Variants in TRPC6 observed in about 807,000 individuals in gnomAD.
TRPC6 encodes the protein transient receptor potential cation channel subfamily C member 6, also known as short transient receptor potential channel 6.
A neutral mutation model predicts 90.7 loss-of-function variants in TRPC6; 55 were observed. That is an observed-to-expected ratio of 0.61 (90% CI 0.49 to 0.76). The LOEUF is 0.76. Among genes scored for constraint, TRPC6 ranks in the 30% least tolerant of loss-of-function variants. The pLI is 0.00. For missense variants in TRPC6, 989 were observed against 1,122.7 expected, an observed-to-expected ratio of 0.88 and a Z score of 1.70; for synonymous variants, 393 against 393.0, an observed-to-expected ratio of 1.00 and a Z score of 0.00.
intron 1 of TRPC6, among the ~76,000 whole-genome samples, chr11:101,557,629 C>G (rs370893209): frequency 7.4e-6 from 1 of 134,584 alleles, no homozygotes; most frequent in Admixed American, 7.3e-5. Flanking sequence ...CACACACACA[C>G]AAAAAAAAAC....
intron 1 of TRPC6, among the ~76,000 whole-genome samples, chr11:101,536,918 G>A (rs1242525714): frequency 6.6e-6 from 1 of 152,206 alleles, no homozygotes; most frequent in African/African-American, 2.4e-5. Flanking sequence ...TACTCCAGGT[G>A]AGAGATGGCA....
At chr11:101,558,235 G>C (rs1265093870) in intron 1 of TRPC6, among the ~76,000 whole-genome samples, 1 of 82,254 alleles carries the variant, frequency 1.2e-5, no homozygotes, top group Non-Finnish European at 2.6e-5. Context: ...ACATGTATAT[G>C]GGTATACATG....
chr11:101,533,255 A>G (rs1457688447), intron 1 of TRPC6, among the ~76,000 whole-genome samples: 2 of 152,172 alleles, frequency 1.3e-5, no homozygotes, highest in Non-Finnish European at 2.9e-5. Flanking sequence ...CTGTATAGGA[A>G]GCATAGTGGC....
intron 1 of TRPC6, among the ~76,000 whole-genome samples, chr11:101,575,309 C>A (rs1272831848): frequency 1.3e-5 from 2 of 152,164 alleles, no homozygotes; most frequent in Non-Finnish European, 2.9e-5. Context: ...TGTTAACATT[C>A]ATAGTCTTCC....
chr11:101,470,677 C>T (rs1340098121), intron 9 of TRPC6, among the ~76,000 whole-genome samples: 2 of 152,004 alleles, frequency 1.3e-5, no homozygotes, highest in Non-Finnish European at 2.9e-5. Flanking sequence ...TTACTGTTTT[C>T]AATCAATGTC....
intron 1 of TRPC6, among the ~76,000 whole-genome samples, chr11:101,579,887 T>G (rs11224880): frequency 0.13 from 20,113 of 152,150 alleles, 1,803 homozygotes; most frequent in East Asian, 0.47. Context: ...TCCAGGCTTC[T>G]TCGTCACTGG....
At chr11:101,454,955 C>T in intron 11 of TRPC6, 63 bp downstream of exon 11, 1 of 1,286,614 alleles carries the variant, frequency 7.8e-7, no homozygotes, top group African/African-American at 1.5e-5. Context: ...TAAAGAATCA[C>T]ATAGTTCAAG....
intron 2 of TRPC6, among the ~76,000 whole-genome samples, chr11:101,494,262 G>A (rs776527607): frequency 5.9e-5 from 9 of 152,048 alleles, no homozygotes; most frequent in Non-Finnish European, 1.3e-4. Context: ...TTCTACTTAC[G>A]AGCCATGTGA....
chr11:101,456,164 G>A (rs1858879369), intron 10 of TRPC6, among the ~76,000 whole-genome samples: 1 of 151,988 alleles, frequency 6.6e-6, no homozygotes, highest in East Asian at 1.9e-4. Flanking sequence ...GGCAGTTTAG[G>A]TTCCCAAAAC....
chr11:101,534,144 CTCTCTCTTT>C (rs1860978444), intron 1 of TRPC6, among the ~76,000 whole-genome samples: 1 of 152,032 alleles, frequency 6.6e-6, no homozygotes, highest in South Asian at 2.1e-4. Context: ...TCCCTCTCTT[CTCTCTCTTT>C]CTGATGGAGT....
chr11:101,563,566 T>C (rs898267404), intron 1 of TRPC6, among the ~76,000 whole-genome samples: 1 of 152,180 alleles, frequency 6.6e-6, no homozygotes, highest in African/African-American at 2.4e-5. Flanking sequence ...TAATTTCTTG[T>C]TCCTAGTACA....
chr11:101,503,338 C>T (rs1410171099), intron 2 of TRPC6, among the ~76,000 whole-genome samples: 2 of 152,156 alleles, frequency 1.3e-5, no homozygotes, highest in African/African-American at 4.8e-5. Context: ...TGCTGGTACA[C>T]CTTGGCCTAA....
chr11:101,469,035 T>C (rs1042346432), intron 10 of TRPC6, among the ~76,000 whole-genome samples: 1 of 152,178 alleles, frequency 6.6e-6, no homozygotes, highest in African/African-American at 2.4e-5. Flanking sequence ...CAGTGCCTTT[T>C]TCCATCGCTT....
intron 11 of TRPC6, among the ~76,000 whole-genome samples, chr11:101,454,185 A>G (rs765015709): frequency 2.6e-5 from 4 of 152,152 alleles, no homozygotes; most frequent in Admixed American, 6.6e-5. Context: ...GCTAGTTTCA[A>G]TGTAATATAT....
chr11:101,523,626 C>T (rs1860710367), intron 1 of TRPC6, among the ~76,000 whole-genome samples: 1 of 152,174 alleles, frequency 6.6e-6, no homozygotes, highest in African/African-American at 2.4e-5. Flanking sequence ...AAGAATTCCA[C>T]ATTTTCTCTT....
At chr11:101,541,498 A>C (rs1861172583) in intron 1 of TRPC6, among the ~76,000 whole-genome samples, 1 of 150,978 alleles carries the variant, frequency 6.6e-6, no homozygotes. Context: ...AGTAGCTGGG[A>C]TTACAGGCAC....
rs147708364 is a variant in TRPC6 at position 101,481,724 on chromosome 11, A to C, written c.1510+1225T>G. ...AGGCCTCATCCTCCTCGCAGGGAGCACTTCCATTGAGTCTCAGCCTCTGGA... is the reference window on the plus strand; with the variant it reads ...AGGCCTCATCCTCCTCGCAGGGAGCCCTTCCATTGAGTCTCAGCCTCTGGA... On this transcript the variant is annotated intron_variant, in intron 5 of 12. Transcript: ENST00000344327. Among the ~76,000 whole-genome samples, 292 of 152,222 alleles carry C rather than the reference A, an allele frequency of 1.9e-3. 1 individual carries two copies. The highest frequency in any genetic ancestry group is 6.8e-3 in the African/African-American group (284 of 41,536).
chr11:101,465,968 G>A (rs1859134910), intron 10 of TRPC6, among the ~76,000 whole-genome samples: 1 of 152,108 alleles, frequency 6.6e-6, no homozygotes. Flanking sequence ...TTTGATGTTG[G>A]TGACCTCTGA....
chr11:101,542,446 T>C (rs891526468), intron 1 of TRPC6, among the ~76,000 whole-genome samples: 3 of 152,222 alleles, frequency 2.0e-5, no homozygotes, highest in African/African-American at 7.2e-5. Flanking sequence ...CTTGTGTAAA[T>C]GCTGATTTCA....
Sources: allele counts gnomAD v4.1 joint callset (sites outside exome capture counted in the v4.1 genomes callset), GRCh38; gene constraint gnomAD v4.1.1; transcripts MANE v1.5; gene names NCBI Gene and HGNC (gene_info 2026-07-23, HGNC 2026-07-21).